The following CTNNA2 variants were observed in gnomAD, a reference collection of about 807,000 sequenced individuals.
CTNNA2 encodes the protein catenin alpha-2.
In CTNNA2, 42 loss-of-function variants were observed where a neutral mutation model predicts 101.0. The observed-to-expected ratio is 0.42, with a 90% CI of 0.32 to 0.54. The LOEUF (loss-of-function observed/expected upper bound fraction) is 0.54. Ranked by LOEUF, CTNNA2 falls within the 20% of genes least tolerant of loss-of-function variation. CTNNA2 has a pLI of 0.14. For missense variants in CTNNA2, 871 were observed against 1,223.1 expected (o/e 0.71, Z 4.29); for synonymous variants, 450 against 456.4 (o/e 0.99, Z 0.18).
chr2:79,855,154 T>C (rs1574140728), intron 3 of CTNNA2, among the ~76,000 whole-genome samples: 1 of 152,328 alleles, frequency 6.6e-6, no homozygotes, highest in East Asian at 1.9e-4. Context: ...GAGTTTTCCA[T>C]CCAGAAAGGC....
intron 12 of CTNNA2, among the ~76,000 whole-genome samples, chr2:80,566,933 AGTGCATGT>A (rs1694115366): frequency 6.6e-6 from 1 of 152,202 alleles, no homozygotes; most frequent in African/African-American, 2.4e-5. Flanking sequence ...CCAAGATTCG[AGTGCATGT>A]GTGTAAAATT....
chr2:79,245,733 T>G (rs1380349626), intron 2 of CTNNA2, among the ~76,000 whole-genome samples: 1 of 152,238 alleles, frequency 6.6e-6, no homozygotes, highest in Non-Finnish European at 1.5e-5. Context: ...TGGACTTATA[T>G]TCTAAGAGAT....
At chr2:79,968,922 A>G (rs1407495614) in intron 7 of CTNNA2, among the ~76,000 whole-genome samples, 2 of 151,756 alleles carry the variant, frequency 1.3e-5, no homozygotes, top group Non-Finnish European at 2.9e-5. Context: ...TATTGAGACC[A>G]TTTGTGTTAA....
chr2:79,830,098 A>G (rs913270797), intron 3 of CTNNA2, among the ~76,000 whole-genome samples: 1 of 152,196 alleles, frequency 6.6e-6, no homozygotes, highest in Non-Finnish European at 1.5e-5. Flanking sequence ...GCAGGGAGCC[A>G]GCACAGCTTC....
intron 2 of CTNNA2, among the ~76,000 whole-genome samples, chr2:79,222,843 G>A (rs951161589): frequency 6.6e-6 from 1 of 152,030 alleles, no homozygotes; most frequent in Non-Finnish European, 1.5e-5. Context: ...AATGGCATTA[G>A]CGCCCTTATG....
At chr2:79,621,907 G>A (rs1679020937) in intron 1 of CTNNA2, among the ~76,000 whole-genome samples, 1 of 152,164 alleles carries the variant, frequency 6.6e-6, no homozygotes. Flanking sequence ...TCTCACATGA[G>A]TAGCATTTTA....
In CTNNA2 at chr2:80,581,799, A is replaced by G; in HGVS notation, c.1987A>G (p.Ile663Val). ...TSVQTEDDQLIAGQSARAIMA... is the reference protein window; with the variant it reads ...TSVQTEDDQLVAGQSARAIMA... ...TGTTCAGACTGAGGATGACCAGCTCATTGCAGGGCAGAGCGCACGGGTGAG... is the reference window on the plus strand; with the variant it reads ...TGTTCAGACTGAGGATGACCAGCTCGTTGCAGGGCAGAGCGCACGGGTGAG... The change falls in exon 14 of 19, where the codon ATT becomes GTT. Residue 663 changes from isoleucine to valine, a missense_variant. Physicochemically the swap from Ile to Val is conservative, Grantham distance 29. Around this residue, in one of 5 missense-constraint regions of CTNNA2, gnomAD observed 93 missense variants for 223.7 expected, o/e 0.42. Coordinates refer to ENST00000402739, the MANE Select transcript of CTNNA2 (RefSeq NM_001282597.3). The G allele has an allele frequency of 6.2e-7, 1 of 1,609,484 alleles. No individual in the cohort carries two copies. The highest frequency in any genetic ancestry group is 8.5e-7 in the Non-Finnish European group (1 of 1,176,010).
At position 80,002,113 on chromosome 2, in the gene CTNNA2, T is replaced by G. The variant is rs980394594; in HGVS notation, c.1056+92316T>G. Among the ~76,000 whole-genome samples, 11 of 151,314 alleles carry G rather than the reference T, an allele frequency of 7.3e-5. No individual in the cohort carries two copies. In the South Asian group the frequency reaches 1.0e-3, roughly 14 times the overall value. Reference sequence around the variant, plus strand: ...AAAAGGTTCTATGGCTCAGACAGACTTTGTGATGTTATTCTTTAAGAAATG... The same window carrying G: ...AAAAGGTTCTATGGCTCAGACAGACGTTGTGATGTTATTCTTTAAGAAATG... On this transcript the variant is annotated intron_variant, in intron 7 of 18. Coordinates refer to ENST00000402739, the MANE Select transcript of CTNNA2 (RefSeq NM_001282597.3).
intron 7 of CTNNA2, among the ~76,000 whole-genome samples, chr2:80,081,793 C>CTCTT (rs2148804683): frequency 6.6e-6 from 1 of 151,746 alleles, no homozygotes; most frequent in East Asian, 1.9e-4. Flanking sequence ...GTTTCTCTCT[C>CTCTT]TCTCTATCTC....
chr2:80,462,627 CTTTCTTTT>C lies in CTNNA2; in HGVS notation c.1290+43030_1290+43037del, dbSNP rs1472330091. 1.1e-3 allele frequency among the ~76,000 whole-genome samples: 121 copies of C among 114,344 alleles called. 1 individual carries two copies. Among genetic ancestry groups the C allele is most frequent in the Middle Eastern group, 4.8e-3 (1 of 208 alleles). 75.0% of individuals were successfully genotyped at this position (114,344 alleles called of 152,430 possible). A position where few individuals can be genotyped will look rare whatever the true frequency, so the allele number is the denominator to read the frequency against. ...TCTCCCTTCCTTTCCTTCTTTCTTTCTTTCTTTTTTTTTTTTTTTTTTTTTGACGAATA... is the reference window on the plus strand; with the variant it reads ...TCTCCCTTCCTTTCCTTCTTTCTTTCTTTTTTTTTTTTTTTTTGACGAATA... On this transcript the variant is annotated intron_variant, in intron 9 of 18. Transcript: ENST00000402739.
chr2:80,424,763 G>A (rs138279790), intron 9 of CTNNA2, among the ~76,000 whole-genome samples: 1 of 152,254 alleles, frequency 6.6e-6, no homozygotes, highest in East Asian at 1.9e-4. Context: ...TTAACACCAC[G>A]AGACTGAGTT....
intron 7 of CTNNA2, among the ~76,000 whole-genome samples, chr2:79,940,277 T>A (rs1688066437): frequency 6.6e-6 from 1 of 152,182 alleles, no homozygotes; most frequent in Admixed American, 6.5e-5. Context: ...AAGAAGAAAG[T>A]GAAAAGACAA....
intron 2 of CTNNA2, among the ~76,000 whole-genome samples, chr2:79,685,927 A>C (rs1238635223): frequency 6.6e-6 from 1 of 152,110 alleles, no homozygotes. Flanking sequence ...AGGTATGTGC[A>C]GCGTACTGAC....
At chr2:79,344,880 AAT>A (rs1053057762) in intron 3 of CTNNA2, among the ~76,000 whole-genome samples, 30 of 145,198 alleles carry the variant, frequency 2.1e-4, no homozygotes, top group Non-Finnish European at 3.3e-4. Flanking sequence ...TTATATATAT[AAT>A]ATATATATAA....
chr2:79,541,325 T>C, intron 1 of CTNNA2, among the ~76,000 whole-genome samples: 1 of 92,486 alleles, frequency 1.1e-5, no homozygotes, highest in South Asian at 3.3e-4. Context: ...CACACAGATA[T>C]CCTATATATA....
At chr2:80,257,764 A>T (rs895423612) in intron 7 of CTNNA2, among the ~76,000 whole-genome samples, 1 of 151,910 alleles carries the variant, frequency 6.6e-6, no homozygotes, top group African/African-American at 2.4e-5. Context: ...TTCTGTCAGG[A>T]ATAAGCAATA....
chr2:80,602,107 C>T (rs1461361907), intron 15 of CTNNA2: 1 of 151,972 alleles, frequency 6.6e-6, no homozygotes, highest in South Asian at 2.1e-4. Context: ...ATTTTGGTCT[C>T]TAATTTTATG....
intron 3 of CTNNA2, among the ~76,000 whole-genome samples, chr2:79,856,823 C>T (rs1681176444): frequency 6.6e-6 from 1 of 152,134 alleles, no homozygotes; most frequent in Admixed American, 6.5e-5. Flanking sequence ...TTTATACTCC[C>T]TCTCCCATCT....
chr2:79,512,852 C>T (rs1671594223), upstream of CTNNA2: 1 of 151,596 alleles, frequency 6.6e-6, no homozygotes, highest in East Asian at 2.0e-4. Flanking sequence ...TGCCCGGTGC[C>T]TTTCCAGGCG....
Sources: allele counts gnomAD v4.1 joint callset (sites outside exome capture counted in the v4.1 genomes callset), GRCh38; gene constraint gnomAD v4.1.1; regional missense constraint gnomAD v4.1.1; transcripts MANE v1.5; gene names NCBI Gene and HGNC (gene_info 2026-07-23, HGNC 2026-07-21).